Variants in NAALADL2 observed in about 807,000 individuals in gnomAD.
NAALADL2 encodes N-acetylated alpha-linked acidic dipeptidase like 2.
Under a neutral mutation model 87.2 loss-of-function variants are expected in NAALADL2, and 76 were observed. The ratio of observed to expected loss-of-function variants is 0.87; its 90% CI spans 0.72 to 1.05. NAALADL2 has a LOEUF of 1.05. Ranked by LOEUF, NAALADL2 falls within the 50% of genes least tolerant of loss-of-function variation. The pLI, the probability that NAALADL2 is intolerant of heterozygous loss-of-function variation, is 0.00. For synonymous variants in NAALADL2, 354 were observed against 331.0 expected (o/e 1.07, Z -0.75); for missense variants, 1,089 against 945.8 (o/e 1.15, Z -1.99).
intron 5 of NAALADL2, among the ~76,000 whole-genome samples, chr3:175,326,642 C>G (rs961801415): frequency 2.0e-5 from 3 of 152,180 alleles, no homozygotes; most frequent in Non-Finnish European, 4.4e-5. Flanking sequence ...GGAGGCTGGT[C>G]AGTCCAAGGT....
intron 13 of NAALADL2, among the ~76,000 whole-genome samples, chr3:175,783,902 T>C (rs1336446423): frequency 7.0e-6 from 1 of 142,312 alleles, no homozygotes; most frequent in Admixed American, 6.7e-5. Flanking sequence ...ATTGAGAGTT[T>C]TTAGCATGAA....
At chr3:175,062,995 T>C (rs550603660) in intron 1 of NAALADL2, among the ~76,000 whole-genome samples, 2 of 152,328 alleles carry the variant, frequency 1.3e-5, no homozygotes, top group Non-Finnish European at 2.9e-5. Context: ...ACTTGTAAAC[T>C]CTGTGATAAT....
intron 11 of NAALADL2, among the ~76,000 whole-genome samples, chr3:175,734,913 C>A (rs978728235): frequency 6.6e-6 from 1 of 152,216 alleles, no homozygotes; most frequent in Non-Finnish European, 1.5e-5. Flanking sequence ...TCCTTTTTTA[C>A]TTAGGCAAAT....
At chr3:175,748,237 T>A (rs535178409) in intron 12 of NAALADL2, among the ~76,000 whole-genome samples, 2 of 152,322 alleles carry the variant, frequency 1.3e-5, no homozygotes, top group South Asian at 4.1e-4. Flanking sequence ...GTTGTTTGTT[T>A]AACATCTTTA....
intron 2 of NAALADL2, among the ~76,000 whole-genome samples, chr3:174,600,663 C>T (rs1315378040): frequency 1.3e-5 from 2 of 152,082 alleles, no homozygotes; most frequent in Non-Finnish European, 2.9e-5. Flanking sequence ...CATGGTTCCA[C>T]AGGCTGTACA....
chr3:174,979,954 A>G (rs966746098), intron 1 of NAALADL2, among the ~76,000 whole-genome samples: 2 of 152,070 alleles, frequency 1.3e-5, no homozygotes, highest in Non-Finnish European at 2.9e-5. Flanking sequence ...TCACATCCCC[A>G]AAAGCCCTTT....
chr3:174,523,809 T>C (rs1311889616), intron 1 of NAALADL2, among the ~76,000 whole-genome samples: 4 of 152,202 alleles, frequency 2.6e-5, no homozygotes, highest in Non-Finnish European at 5.9e-5. Context: ...TGTGTTTAAA[T>C]ATTGCAACGT....
At chr3:175,417,283 T>A (rs1442351861) in intron 5 of NAALADL2, among the ~76,000 whole-genome samples, 1 of 151,884 alleles carries the variant, frequency 6.6e-6, no homozygotes, top group African/African-American at 2.4e-5. Flanking sequence ...AAATAATTAT[T>A]GAACTAATTC....
At chr3:175,060,416 T>C (rs1713185722) in intron 1 of NAALADL2, among the ~76,000 whole-genome samples, 1 of 152,182 alleles carries the variant, frequency 6.6e-6, no homozygotes, top group African/African-American at 2.4e-5. Context: ...GGTTACAGAG[T>C]GTGAGCAATC....
At chr3:175,459,964 C>G (rs926515970) in intron 6 of NAALADL2, 7 of 304,086 alleles carry the variant, frequency 2.3e-5, no homozygotes, top group African/African-American at 1.3e-4. Context: ...ACATTTTTAA[C>G]AGCCACACAT....
chr3:175,342,874 C>A (rs1281448595), intron 5 of NAALADL2, among the ~76,000 whole-genome samples: 1 of 152,056 alleles, frequency 6.6e-6, no homozygotes, highest in African/African-American at 2.4e-5. Flanking sequence ...GTGACTTATA[C>A]TTTAATCCTT....
chr3:175,057,361 A>T (rs924039646), intron 1 of NAALADL2, among the ~76,000 whole-genome samples: 4 of 152,276 alleles, frequency 2.6e-5, no homozygotes, highest in African/African-American at 9.6e-5. Context: ...GCAATTCTTG[A>T]TGTATTCTTA....
intron 2 of NAALADL2, among the ~76,000 whole-genome samples, chr3:175,148,122 ATAAAAT>A (rs1406730605): frequency 8.1e-5 from 12 of 147,876 alleles, no homozygotes; most frequent in African/African-American, 2.2e-4. Flanking sequence ...AATAATAATA[ATAAAAT>A]AATAATAATA....
intron 12 of NAALADL2, among the ~76,000 whole-genome samples, chr3:175,741,595 T>A (rs79355232): frequency 2.6e-5 from 4 of 152,070 alleles, no homozygotes; most frequent in Admixed American, 6.5e-5. Flanking sequence ...GTTTTTTTTT[T>A]AGGAGGGTAA....
chr3:175,471,744 C>T lies in NAALADL2; in HGVS notation c.1639C>T (p.Gln547Ter). The T allele has an allele frequency of 6.2e-7, 1 of 1,607,608 alleles. No individual in the cohort carries two copies. The highest frequency in any genetic ancestry group is 8.5e-7 in the Non-Finnish European group (1 of 1,177,164). The change falls in exon 9 of 14, where the codon CAA (glutamine) becomes TAA (stop). Residue 547 changes from glutamine (Q) to a stop codon, truncating the protein, a stop_gained. Coordinates refer to ENST00000454872, the MANE Select transcript of NAALADL2 (RefSeq NM_207015.3). LOFTEE classifies it high-confidence loss of function. Reference protein sequence around the residue: ...LYPVASPSLQQLVVEKNNFNC... With the variant: ...LYPVASPSLQ ...TCCTGTAGCATCACCATCTCTTCAG[C>T]AACTGGTAGTAGAGGTAAGACAAAC...
rs182561632 is a variant in NAALADL2 at position 174,754,039 on chromosome 3, G to A, written c.-9+16293G>A. Among the ~76,000 whole-genome samples, 30 of 152,242 alleles carry A rather than the reference G, an allele frequency of 2.0e-4. No individual in the cohort carries two copies. The Middle Eastern group carries it at 0.01, about 52-fold the overall frequency. ...CAACTTTTATCCTCCCAAACTGTGG[G>A]AAACAAATTCCTACTTTTAAACCCA... On this transcript the variant is annotated intron_variant, in intron 3 of 3. Transcript: ENST00000434257.
intron 6 of NAALADL2, among the ~76,000 whole-genome samples, chr3:175,460,965 C>T (rs1723032673): frequency 6.6e-6 from 1 of 152,208 alleles, no homozygotes; most frequent in Admixed American, 6.5e-5. Context: ...TTATCTGTCC[C>T]CACCCACGTC....
At chr3:174,999,564 TTC>T (rs1423862386) in intron 1 of NAALADL2, among the ~76,000 whole-genome samples, 1 of 152,170 alleles carries the variant, frequency 6.6e-6, no homozygotes, top group Non-Finnish European at 1.5e-5. Flanking sequence ...GTCCACATTA[TTC>T]TCTGATATTA....
Position 175,418,433 on chromosome 3 carries a change from G to T in NAALADL2, c.1091-28796G>T, listed in dbSNP as rs145236696. ...AGCTTCCTATGAGTAATCTGTGGTT[G>T]TATTCAATTTATAAAGTATATTAAA... On this transcript the variant is annotated intron_variant, in intron 5 of 13. Coordinates refer to ENST00000454872, the MANE Select transcript of NAALADL2 (RefSeq NM_207015.3). Among the ~76,000 whole-genome samples, 971 of 152,180 alleles carry T rather than the reference G, an allele frequency of 6.4e-3. 7 individuals carry two copies. Among genetic ancestry groups the T allele is most frequent in the African/African-American group, 0.022 (895 of 41,544 alleles).
Sources: gnomAD v4.1 joint callset for allele counts (sites outside exome capture counted in the v4.1 genomes callset) on GRCh38, gnomAD v4.1.1 for gene constraint, MANE v1.5 for transcripts, NCBI Gene and HGNC (gene_info 2026-07-23, HGNC 2026-07-21) for gene names.